The following FMN1 variants were observed in gnomAD, a reference collection of about 807,000 sequenced individuals.
The protein encoded by FMN1 is formin 1, also known as formin-1.
In FMN1, 110 loss-of-function variants were observed where a neutral mutation model predicts 132.4. The observed-to-expected ratio is 0.83, with a 90% CI of 0.71 to 0.97. The LOEUF (loss-of-function observed/expected upper bound fraction) is 0.97. Ranked by LOEUF, FMN1 falls within the 50% of genes least tolerant of loss-of-function variation. FMN1 has a pLI of 0.00. For missense variants in FMN1, 1,792 were observed against 1,705.3 expected, an observed-to-expected ratio of 1.05 and a Z score of -0.90; for synonymous variants, 722 against 651.7, an observed-to-expected ratio of 1.11 and a Z score of -1.64.
intron 13 of FMN1, 151 bp downstream of exon 13, chr15:32,901,760 C>T: frequency 1.8e-6 from 1 of 554,132 alleles, no homozygotes; most frequent in Non-Finnish European, 2.9e-6. Flanking sequence ...CATACACACA[C>T]ACACGGGCAA....
At chr15:32,878,181 T>C (rs2059682578) in intron 16 of FMN1, among the ~76,000 whole-genome samples, 1 of 152,136 alleles carries the variant, frequency 6.6e-6, no homozygotes, top group Admixed American at 6.5e-5. Flanking sequence ...ACTGCAATGA[T>C]CCTAGAGCAG....
At chr15:33,156,648 G>A (rs1964684982) in intron 3 of FMN1, among the ~76,000 whole-genome samples, 1 of 152,108 alleles carries the variant, frequency 6.6e-6, no homozygotes, top group African/African-American at 2.4e-5. Flanking sequence ...ATGCACATGT[G>A]TAGGGATACT....
chr15:32,938,817 G>T (rs2061337122), intron 9 of FMN1, among the ~76,000 whole-genome samples: 1 of 151,966 alleles, frequency 6.6e-6, no homozygotes, highest in Non-Finnish European at 1.5e-5. Context: ...ATTTTATTTT[G>T]CATTTTTAAT....
chr15:32,997,074 T>C (rs2033815064), intron 7 of FMN1, among the ~76,000 whole-genome samples: 1 of 152,184 alleles, frequency 6.6e-6, no homozygotes, highest in Admixed American at 6.5e-5. Context: ...TTCTATGAGA[T>C]TCAGGTTTCA....
At chr15:32,897,475 A>G (rs1287238488) in intron 15 of FMN1, among the ~76,000 whole-genome samples, 1 of 152,220 alleles carries the variant, frequency 6.6e-6, no homozygotes, top group Admixed American at 6.5e-5. Context: ...AAAAGGCTAG[A>G]GACAAAGATA....
chr15:32,925,204 T>C (rs956131511), intron 10 of FMN1, among the ~76,000 whole-genome samples: 1 of 152,224 alleles, frequency 6.6e-6, no homozygotes, highest in African/African-American at 2.4e-5. Context: ...TATTCCTCCC[T>C]AGAAGTATTC....
chr15:32,918,966 T>C lies in FMN1; in HGVS notation c.3226+7208A>G, dbSNP rs567938337. 2.1e-4 allele frequency among the ~76,000 whole-genome samples: 32 copies of C among 152,224 alleles called. No homozygotes were observed. In the South Asian group the frequency reaches 6.0e-3, roughly 29 times the overall value. Reference sequence around the variant, plus strand: ...GAAAAGGTGGAAAAGGAAAGGAAAATATTAGAGTGACTACTTATATTTATC... The same window carrying C: ...GAAAAGGTGGAAAAGGAAAGGAAAACATTAGAGTGACTACTTATATTTATC... On this transcript the variant is annotated intron_variant, in intron 10 of 20. Coordinates refer to ENST00000616417, the MANE Select transcript of FMN1 (RefSeq NM_001277313.2).
intron 4 of FMN1, among the ~76,000 whole-genome samples, chr15:33,140,193 AACACACACACACACACACACAC>A (rs61485667): frequency 1.4e-5 from 2 of 142,872 alleles, no homozygotes; most frequent in Non-Finnish European, 3.0e-5. Context: ...CCTATGGTTA[AACACACACACACACACACACAC>A]ACACACACAC....
In FMN1 at chr15:32,829,887, A is replaced by C. The variant is rs151202686; in HGVS notation, c.3929-25555T>G. On this transcript the variant is annotated intron_variant, in intron 17 of 20. Transcript: ENST00000616417. The stretch of plus-strand genomic sequence containing the variant: ...GGAGACAAGATTTAGACAAATACCC[A>C]CACAGAAATGAGGGGGGACACATTT... 1.7e-3 allele frequency among the ~76,000 whole-genome samples: 253 copies of C among 152,306 alleles called. 2 individuals are homozygous for C. Among genetic ancestry groups the C allele is most frequent in the Middle Eastern group, 6.8e-3 (2 of 294 alleles).
chr15:32,904,642 C>A (rs73370853), intron 12 of FMN1, among the ~76,000 whole-genome samples: 5,492 of 152,152 alleles, frequency 0.036, 215 homozygotes, highest in African/African-American at 0.098. Flanking sequence ...TGTGAAGAGT[C>A]CAGGATGACT....
intron 17 of FMN1, among the ~76,000 whole-genome samples, chr15:32,809,670 C>T (rs554331052): frequency 3.3e-5 from 5 of 152,184 alleles, no homozygotes; most frequent in African/African-American, 1.2e-4. Flanking sequence ...CTTTGAAAAC[C>T]AAGCTTGAAA....
intron 7 of FMN1, among the ~76,000 whole-genome samples, chr15:32,994,023 A>G (rs2033609503): frequency 6.6e-6 from 1 of 152,076 alleles, no homozygotes; most frequent in Non-Finnish European, 1.5e-5. Flanking sequence ...CCTTAAAAAG[A>G]TGTACAAGAC....
intron 6 of FMN1, among the ~76,000 whole-genome samples, chr15:33,048,644 A>AAAAAAAAAAAAAAAAAAAAAAAAAAC: frequency 1.0e-4 from 9 of 86,938 alleles, no homozygotes; most frequent in African/African-American, 3.3e-4. Flanking sequence ...AAAAAAAAAA[A>AAAAAAAAAAAAAAAAAAAAAAAAAAC]AAAAACCAAC....
At chr15:33,059,859 A>AT (rs1372676588) in intron 6 of FMN1, among the ~76,000 whole-genome samples, 1 of 152,228 alleles carries the variant, frequency 6.6e-6, no homozygotes, top group Non-Finnish European at 1.5e-5. Flanking sequence ...CTTTACTAGT[A>AT]TCTCCTTGAA....
rs1282622638 is a variant in FMN1, at chr15:32,768,358, T to C, written c.*5952A>G. The C allele has an allele frequency of 6.6e-6, 1 of 152,184 alleles. No homozygotes were observed. Among genetic ancestry groups the C allele is most frequent in the Non-Finnish European group, 1.5e-5 (1 of 68,036 alleles). 9.4% of individuals were successfully genotyped at this position (152,184 alleles called of 1,614,324 possible). A position where few individuals can be genotyped will look rare whatever the true frequency, so the allele number is the denominator to read the frequency against. On this transcript the variant is annotated 3_prime_UTR_variant, in exon 21 of 21. Coordinates refer to ENST00000616417, the MANE Select transcript of FMN1 (RefSeq NM_001277313.2). ...GGAAGAAAGCCCCTGAAGAGAACAA[T>C]GAAGGAAAGCAGGTACACGTTTGCC...
intron 9 of FMN1, among the ~76,000 whole-genome samples, chr15:32,928,279 C>A (rs951917572): frequency 2.0e-5 from 3 of 149,442 alleles, no homozygotes; most frequent in Admixed American, 6.7e-5. Flanking sequence ...GAGTTTTAAA[C>A]AGAAATAGAG....
At chr15:32,842,971 C>G (rs1163660960) in intron 17 of FMN1, among the ~76,000 whole-genome samples, 2 of 151,662 alleles carry the variant, frequency 1.3e-5, no homozygotes, top group South Asian at 2.1e-4. Context: ...ACTAAAAATA[C>G]AAGAAATTAG....
chr15:33,145,815 C>G (rs1184945282), intron 4 of FMN1, among the ~76,000 whole-genome samples: 1 of 151,974 alleles, frequency 6.6e-6, no homozygotes, highest in Non-Finnish European at 1.5e-5. Context: ...TTCCTCTGGG[C>G]TCACCTGGAA....
chr15:32,928,687 A>G (rs1416809860), intron 9 of FMN1, among the ~76,000 whole-genome samples: 1 of 151,648 alleles, frequency 6.6e-6, no homozygotes, highest in Non-Finnish European at 1.5e-5. Context: ...ATGGTGACTG[A>G]TACAACCACA....
Sources: allele counts gnomAD v4.1 joint callset (sites outside exome capture counted in the v4.1 genomes callset), GRCh38; gene constraint gnomAD v4.1.1; transcripts MANE v1.5; gene names NCBI Gene and HGNC (gene_info 2026-07-23, HGNC 2026-07-21).